Variants in PKD2L1 observed in about 807,000 individuals in gnomAD.
The protein encoded by PKD2L1 is polycystin-2-like protein 1.
Under a neutral mutation model 93.0 loss-of-function variants are expected in PKD2L1, and 77 were observed. The ratio of observed to expected loss-of-function variants is 0.83; its 90% CI spans 0.69 to 1.00. PKD2L1 has a LOEUF of 1.00. Among genes scored for constraint, PKD2L1 ranks in the 50% least tolerant of loss-of-function variants. The pLI is 0.00. For synonymous variants in PKD2L1, 390 were observed against 388.0 expected (o/e 1.01, Z -0.06); for missense variants, 977 against 990.9 (o/e 0.99, Z 0.19).
chr10:100,314,258 A>G (rs1224979155), intron 2 of PKD2L1, among the ~76,000 whole-genome samples: 3 of 152,154 alleles, frequency 2.0e-5, no homozygotes, highest in Admixed American at 2.0e-4. Flanking sequence ...CCCAGCAGGG[A>G]GAGCCCTTTA....
chr10:100,294,414 C>A lies in PKD2L1; in HGVS notation c.1659+121G>T, dbSNP rs571018914. On this transcript the variant is annotated intron_variant, in intron 9 of 15. Coordinates refer to ENST00000318222, the MANE Select transcript of PKD2L1 (RefSeq NM_016112.3). The stretch of plus-strand genomic sequence containing the variant: ...TCTCTCAGAAGATCCAGACATCGGC[C>A]CCCCCACTCACTCTCCATCCTTGAT... 30 of 1,033,610 alleles carry A rather than the reference C, an allele frequency of 2.9e-5. No homozygotes were observed. The South Asian group carries it at 2.9e-4, about 10-fold the overall frequency. The allele number at this position is 1,033,610 out of a possible 1,614,324, so 64.0% of individuals were successfully genotyped here. A position where few individuals can be genotyped will look rare whatever the true frequency, so the allele number is the denominator to read the frequency against.
At chr10:100,326,826 C>A (rs1849389765) in intron 2 of PKD2L1, among the ~76,000 whole-genome samples, 1 of 152,198 alleles carries the variant, frequency 6.6e-6, no homozygotes, top group Non-Finnish European at 1.5e-5. Context: ...TTGACCCAAA[C>A]CTGTGCAAAT....
chr10:100,321,587 T>C (rs1849228437), intron 2 of PKD2L1, among the ~76,000 whole-genome samples: 1 of 145,588 alleles, frequency 6.9e-6, no homozygotes, highest in Admixed American at 7.1e-5. Context: ...AGTGGGAGGA[T>C]TGCTTGAGCC....
intron 2 of PKD2L1, among the ~76,000 whole-genome samples, chr10:100,301,084 CT>C (rs1035852674): frequency 3.9e-5 from 6 of 152,122 alleles, no homozygotes; most frequent in African/African-American, 9.7e-5. Flanking sequence ...ATGATGCCCC[CT>C]GAGCCGTAAA....
intron 2 of PKD2L1, among the ~76,000 whole-genome samples, chr10:100,322,694 T>G (rs1849288665): frequency 6.6e-6 from 1 of 152,222 alleles, no homozygotes; most frequent in Admixed American, 6.5e-5. Flanking sequence ...AGTAGTTAGC[T>G]AGTAGAATTT....
intron 7 of PKD2L1, 40 bp downstream of exon 7, chr10:100,296,082 T>C: frequency 6.7e-7 from 1 of 1,502,150 alleles, no homozygotes; most frequent in South Asian, 1.3e-5. Context: ...GGAGAATGAG[T>C]GCGCCTTGAA....
Position 100,299,700 on chromosome 10 carries a change from C to G in PKD2L1, c.368G>C (p.Ser123Thr), listed in dbSNP as rs143064336. ...TTTGGTGTAGTAATAAGCACTGGAGCTTGTCATTCCATAGGTCACTAGAAA... is the reference window on the plus strand; with the variant it reads ...TTTGGTGTAGTAATAAGCACTGGAGGTTGTCATTCCATAGGTCACTAGAAA... ...DICLLTYGMT[S>T]SSAYYYTKVM... Residue 123 changes from serine to threonine, a missense_variant, in exon 3 of 16, where the codon AGC becomes ACC. Transcript: ENST00000318222. 2.2e-4 allele frequency: 357 copies of G among 1,613,596 alleles called. 2 individuals are homozygous for G. In the African/African-American group the frequency reaches 4.6e-3, roughly 21 times the overall value.
intron 1 of PKD2L1, among the ~76,000 whole-genome samples, chr10:100,329,530 C>T (rs1180764420): frequency 6.6e-6 from 1 of 152,224 alleles, no homozygotes; most frequent in Non-Finnish European, 1.5e-5. Flanking sequence ...GGTGAAGGCC[C>T]TGGCTTGTAG....
At chr10:100,310,790 G>A (rs757861023) in intron 2 of PKD2L1, among the ~76,000 whole-genome samples, 4 of 152,112 alleles carry the variant, frequency 2.6e-5, no homozygotes, top group Non-Finnish European at 5.9e-5. Context: ...GCTCACTGCA[G>A]CCTCCACCTC....
intron 2 of PKD2L1, 70 bp from the exon 3 acceptor site, chr10:100,299,788 C>A: frequency 6.9e-7 from 1 of 1,440,574 alleles, no homozygotes. Flanking sequence ...GCCTATTGCC[C>A]TGGAGTCAGA....
chr10:100,330,121 G>A lies in PKD2L1; in HGVS notation c.-18C>T, dbSNP rs767557459. Reference sequence around the variant, plus strand: ...GCATTCATGGGGAATGAGGTGGGGGGGCCCGGTACCCCAGGTGCCCACTCT... The same window carrying A: ...GCATTCATGGGGAATGAGGTGGGGGAGCCCGGTACCCCAGGTGCCCACTCT... On this transcript the variant is annotated 5_prime_UTR_variant, in exon 1 of 16. Coordinates refer to ENST00000318222, the MANE Select transcript of PKD2L1 (RefSeq NM_016112.3). The A allele has an allele frequency of 3.9e-5, 58 of 1,478,722 alleles. No individual in the cohort carries two copies. The highest frequency in any genetic ancestry group is 4.8e-5 in the Non-Finnish European group (52 of 1,084,184). 91.6% of individuals were successfully genotyped at this position (1,478,722 alleles called of 1,614,324 possible).
chr10:100,289,895 T>A, intron 14 of PKD2L1, 120 bp downstream of exon 14: 2 of 1,166,114 alleles, frequency 1.7e-6, no homozygotes, highest in African/African-American at 1.5e-5. Context: ...TATGAACATG[T>A]TTCCCCAGGA....
chr10:100,323,915 C>T (rs1849319582), intron 2 of PKD2L1, among the ~76,000 whole-genome samples: 1 of 152,124 alleles, frequency 6.6e-6, no homozygotes. Flanking sequence ...GCAACCTCCG[C>T]CTCCCAGGTT....
At chr10:100,289,194 A>G in intron 14 of PKD2L1, 138 bp from the exon 15 acceptor site, 1 of 599,808 alleles carries the variant, frequency 1.7e-6, no homozygotes, top group East Asian at 2.9e-5. Context: ...TTAAAATTGT[A>G]ACCCCCAATG....
chr10:100,291,334 C>T lies in PKD2L1; in HGVS notation c.1974G>A (p.Gln658=). ...CCTCCAGGTCCTGTCGCATTTTTTC[C>T]TGTTCCTTCTCATCCAGAATACGAT... ...DGNRILDEKE[Q]EKMRQDLEEE... Residue 658 remains glutamine, a synonymous_variant, in exon 12 of 16, where the codon CAG becomes CAA. Transcript: ENST00000318222. The T allele has an allele frequency of 6.2e-7, 1 of 1,614,004 alleles. No individual in the cohort carries two copies. The highest frequency in any genetic ancestry group is 1.1e-5 in the South Asian group (1 of 91,066).
intron 2 of PKD2L1, among the ~76,000 whole-genome samples, chr10:100,315,767 AC>A (rs1161697048): frequency 6.6e-6 from 1 of 151,872 alleles, no homozygotes; most frequent in African/African-American, 2.4e-5. Context: ...CTATGGCAAA[AC>A]TCTTGCATAT....
chr10:100,329,144 T>TTA, intron 2 of PKD2L1, 67 bp downstream of exon 2: 2 of 1,489,676 alleles, frequency 1.3e-6, no homozygotes, highest in East Asian at 2.3e-5. Flanking sequence ...ACAGGAATGT[T>TTA]TATACATATA....
rs1191150132 is a variant in PKD2L1 at position 100,294,662 on chromosome 10, G to A, written c.1539-7C>T. On this transcript the variant is annotated splice_polypyrimidine_tract_variant and splice_region_variant and intron_variant, in intron 8 of 15. Transcript: ENST00000318222. ...TATCCGGAACTGAGTGAAACTGAGA[G>A]ACCAGGTCTGGGCTTTACCCAGAGC... 11 of 1,613,952 alleles carry A rather than the reference G, an allele frequency of 6.8e-6. No individual in the cohort carries two copies. The highest frequency in any genetic ancestry group is 9.3e-6 in the Non-Finnish European group (11 of 1,180,004).
intron 2 of PKD2L1, among the ~76,000 whole-genome samples, chr10:100,325,091 T>C (rs1438854876): frequency 2.0e-5 from 3 of 152,134 alleles, no homozygotes; most frequent in Admixed American, 2.0e-4. Context: ...GCATTATCCG[T>C]CTCCCCAAAA....
Sources: allele counts gnomAD v4.1 joint callset (sites outside exome capture counted in the v4.1 genomes callset), GRCh38; gene constraint gnomAD v4.1.1; transcripts MANE v1.5; gene names NCBI Gene and HGNC (gene_info 2026-07-23, HGNC 2026-07-21).